Variants in NKAIN3 observed in about 807,000 individuals in gnomAD.
NKAIN3 encodes sodium/potassium transporting ATPase interacting 3.
Under a neutral mutation model 30.2 loss-of-function variants are expected in NKAIN3, and 25 were observed. That is an observed-to-expected ratio of 0.83 (90% confidence interval 0.60 to 1.16). NKAIN3 has a LOEUF of 1.16. NKAIN3 is among the 50% of genes most tolerant of loss of function. NKAIN3 has a pLI of 0.00. For synonymous variants in NKAIN3, 91 were observed against 89.6 expected (o/e 1.02, Z -0.09); for missense variants, 225 against 254.1 (o/e 0.89, Z 0.78).
intron 1 of NKAIN3, among the ~76,000 whole-genome samples, chr8:62,345,256 T>TACAC (rs1289138556): frequency 6.3e-5 from 3 of 47,844 alleles, no homozygotes; most frequent in African/African-American, 1.6e-4. Context: ...TGGGTATATA[T>TACAC]ATACACACAC....
intron 5 of NKAIN3, among the ~76,000 whole-genome samples, chr8:62,923,708 C>T (rs1445263567): frequency 6.6e-6 from 1 of 152,212 alleles, no homozygotes; most frequent in African/African-American, 2.4e-5. Flanking sequence ...ATTTAGGAGT[C>T]GACTCATCTG....
chr8:62,452,507 A>C (rs1027373950), intron 1 of NKAIN3, among the ~76,000 whole-genome samples: 1 of 152,034 alleles, frequency 6.6e-6, no homozygotes, highest in East Asian at 1.9e-4. Flanking sequence ...TAAACAAACA[A>C]ACAAACAAAT....
chr8:62,566,330 A>G (rs1809748793), intron 1 of NKAIN3, among the ~76,000 whole-genome samples: 1 of 152,068 alleles, frequency 6.6e-6, no homozygotes, highest in Admixed American at 6.6e-5. Context: ...ATATTTTATT[A>G]TAATTATTTG....
chr8:62,806,825 T>A (rs1388030961), intron 4 of NKAIN3, among the ~76,000 whole-genome samples: 1 of 151,114 alleles, frequency 6.6e-6, no homozygotes, highest in African/African-American at 2.4e-5. Flanking sequence ...AATAAAATAA[T>A]ATAAAAAAAT....
At chr8:62,837,202 A>G (rs779865198) in intron 4 of NKAIN3, among the ~76,000 whole-genome samples, 1 of 152,088 alleles carries the variant, frequency 6.6e-6, no homozygotes, top group Non-Finnish European at 1.5e-5. Context: ...CAAACTTGCA[A>G]TTTATTTAAG....
chr8:62,473,393 T>C (rs977740729), intron 1 of NKAIN3: 4 of 152,192 alleles, frequency 2.6e-5, no homozygotes, highest in African/African-American at 9.7e-5. Context: ...AGAGCCATCA[T>C]CATTTCTTAT....
chr8:62,886,310 C>T (rs1821145719), intron 4 of NKAIN3, among the ~76,000 whole-genome samples: 1 of 151,950 alleles, frequency 6.6e-6, no homozygotes, highest in African/African-American at 2.4e-5. Flanking sequence ...TGCCTTGTAT[C>T]ACTACTTATT....
chr8:62,808,435 G>T (rs1477336394), intron 4 of NKAIN3, among the ~76,000 whole-genome samples: 1 of 152,090 alleles, frequency 6.6e-6, no homozygotes, highest in South Asian at 2.1e-4. Context: ...GTTATCAATT[G>T]CATTAGGTTG....
chr8:62,900,562 A>G (rs1179999361), intron 4 of NKAIN3, among the ~76,000 whole-genome samples: 1 of 152,196 alleles, frequency 6.6e-6, no homozygotes, highest in Non-Finnish European at 1.5e-5. Context: ...CAATTTTCTC[A>G]TACATAGAAT....
chr8:62,803,565 A>G (rs1230277854), intron 4 of NKAIN3, among the ~76,000 whole-genome samples: 2 of 152,202 alleles, frequency 1.3e-5, no homozygotes, highest in Middle Eastern at 3.2e-3. Context: ...TTTGAAACCA[A>G]CGAGAACAAA....
chr8:62,500,972 G>C (rs1274924610), intron 1 of NKAIN3, among the ~76,000 whole-genome samples: 2 of 151,994 alleles, frequency 1.3e-5, no homozygotes, highest in African/African-American at 4.8e-5. Flanking sequence ...CAACATTTCA[G>C]TTTCTCAAAA....
chr8:62,930,628 T>C (rs1298300996), intron 5 of NKAIN3, among the ~76,000 whole-genome samples: 1 of 152,208 alleles, frequency 6.6e-6, no homozygotes, highest in Admixed American at 6.5e-5. Flanking sequence ...ACAATATTTG[T>C]TCTTTTGTGT....
chr8:62,808,918 G>C (rs567786187), intron 4 of NKAIN3, among the ~76,000 whole-genome samples: 1 of 152,236 alleles, frequency 6.6e-6, no homozygotes, highest in Admixed American at 6.5e-5. Context: ...ATAGGCCTGG[G>C]AGCGCTACGG....
At chr8:62,345,668 C>CA (rs1815980229) in intron 1 of NKAIN3, among the ~76,000 whole-genome samples, 1 of 142,204 alleles carries the variant, frequency 7.0e-6, no homozygotes, top group African/African-American at 2.6e-5. Context: ...CATATGTATA[C>CA]CTGGAATATA....
intron 4 of NKAIN3, among the ~76,000 whole-genome samples, chr8:62,903,829 T>G (rs2130840965): frequency 6.6e-6 from 1 of 152,046 alleles, no homozygotes; most frequent in South Asian, 2.1e-4. Context: ...GGAGAGAGAA[T>G]GAGTGCCAAG....
chr8:62,303,075 C>T (rs1048609312), intron 1 of NKAIN3, among the ~76,000 whole-genome samples: 7 of 149,994 alleles, frequency 4.7e-5, no homozygotes, highest in African/African-American at 1.8e-4. Flanking sequence ...CCTGGGATAA[C>T]GAAAAACAAG....
intron 3 of NKAIN3, among the ~76,000 whole-genome samples, chr8:62,617,156 T>C (rs534931090): frequency 1.8e-4 from 28 of 152,338 alleles, no homozygotes; most frequent in African/African-American, 5.8e-4. Flanking sequence ...GCCATGCTTC[T>C]ACAGCCTGCA....
intron 1 of NKAIN3, among the ~76,000 whole-genome samples, chr8:62,251,889 A>G (rs1433187415): frequency 6.6e-6 from 1 of 152,248 alleles, no homozygotes; most frequent in Non-Finnish European, 1.5e-5. Flanking sequence ...AAAGTAAAAC[A>G]CAGCAAAATA....
chr8:62,528,760 A>G (rs1808397006), intron 1 of NKAIN3, among the ~76,000 whole-genome samples: 1 of 152,134 alleles, frequency 6.6e-6, no homozygotes, highest in African/African-American at 2.4e-5. Context: ...CATGTTGTGT[A>G]TGCCGGTATG....
Sources: gnomAD v4.1 joint callset for allele counts (sites outside exome capture counted in the v4.1 genomes callset) on GRCh38, gnomAD v4.1.1 for gene constraint, MANE v1.5 for transcripts, NCBI Gene and HGNC (gene_info 2026-07-23, HGNC 2026-07-21) for gene names.